Variants in KCNQ3 observed in about 807,000 individuals in gnomAD.
KCNQ3 encodes the protein potassium voltage-gated channel subfamily Q member 3.
KCNQ3 carries 30 observed loss-of-function variants against 92.5 expected under a neutral mutation model. That is an observed-to-expected ratio of 0.32 (90% CI 0.24 to 0.44). The LOEUF is 0.44. Ranked by LOEUF, KCNQ3 falls within the 20% of genes least tolerant of loss-of-function variation. The pLI, the probability that KCNQ3 is intolerant of heterozygous loss-of-function variation, is 1.00. For missense variants in KCNQ3, 913 were observed against 1,140.3 expected, an observed-to-expected ratio of 0.80 and a Z score of 2.87; for synonymous variants, 450 against 468.8, an observed-to-expected ratio of 0.96 and a Z score of 0.52.
chr8:132,152,908 A>C (rs932719504), intron 9 of KCNQ3, among the ~76,000 whole-genome samples: 2 of 152,246 alleles, frequency 1.3e-5, no homozygotes, highest in Non-Finnish European at 2.9e-5. Flanking sequence ...GCTGCACTTT[A>C]TGCAAATAAT....
intron 1 of KCNQ3, among the ~76,000 whole-genome samples, chr8:132,209,962 G>A (rs1424652755): frequency 6.6e-6 from 1 of 152,128 alleles, no homozygotes; most frequent in Non-Finnish European, 1.5e-5. Flanking sequence ...CTGTATAAGA[G>A]TCATGACTGC....
At chr8:132,134,457 C>G in intron 12 of KCNQ3, 69 bp from the exon 13 acceptor site, 1 of 1,060,376 alleles carries the variant, frequency 9.4e-7, no homozygotes, top group Non-Finnish European at 1.4e-6. Context: ...ACAAATCATT[C>G]TATTCTCTCT....
At chr8:132,211,887 G>A (rs1393422203) in intron 1 of KCNQ3, among the ~76,000 whole-genome samples, 2 of 150,932 alleles carry the variant, frequency 1.3e-5, no homozygotes, top group Middle Eastern at 3.2e-3. Context: ...TGAGAGGCAG[G>A]GGTTGCAATG....
intron 1 of KCNQ3, among the ~76,000 whole-genome samples, chr8:132,312,096 G>T (rs552421956): frequency 6.6e-6 from 1 of 152,274 alleles, no homozygotes; most frequent in Non-Finnish European, 1.5e-5. Flanking sequence ...AGTCAGGAGA[G>T]GACTTTTCCC....
intron 9 of KCNQ3, among the ~76,000 whole-genome samples, chr8:132,161,537 C>G (rs982808692): frequency 6.6e-6 from 1 of 151,658 alleles, no homozygotes; most frequent in African/African-American, 2.4e-5. Flanking sequence ...AAGGCTGAGG[C>G]GGGAGAATCA....
chr8:132,164,652 G>T (rs1207303913), intron 8 of KCNQ3, among the ~76,000 whole-genome samples: 1 of 152,162 alleles, frequency 6.6e-6, no homozygotes, highest in Admixed American at 6.5e-5. Context: ...GACTCTCTAG[G>T]ATGTTCTGAG....
intron 1 of KCNQ3, among the ~76,000 whole-genome samples, chr8:132,416,693 G>A (rs1410062409): frequency 6.6e-6 from 1 of 152,186 alleles, no homozygotes; most frequent in Non-Finnish European, 1.5e-5. Context: ...TAGGCATGGG[G>A]CACTGAAGCC....
intron 1 of KCNQ3, among the ~76,000 whole-genome samples, chr8:132,300,159 T>C (rs1039859880): frequency 2.0e-5 from 3 of 152,196 alleles, no homozygotes; most frequent in Non-Finnish European, 4.4e-5. Flanking sequence ...ATTGAAAGAA[T>C]GTGCCTATTA....
At chr8:132,228,105 C>T (rs952529020) in intron 1 of KCNQ3, among the ~76,000 whole-genome samples, 27 of 152,100 alleles carry the variant, frequency 1.8e-4, no homozygotes, top group African/African-American at 5.8e-4. Context: ...AAACCAAAGC[C>T]GCTGCAATTA....
At chr8:132,445,730 G>A (rs992514658) in intron 1 of KCNQ3, among the ~76,000 whole-genome samples, 11 of 125,712 alleles carry the variant, frequency 8.8e-5, no homozygotes, top group Non-Finnish European at 1.7e-4. Context: ...CTCTTACTAT[G>A]TGTCAGGCAT....
intron 1 of KCNQ3, among the ~76,000 whole-genome samples, chr8:132,435,918 TTGCCCCGCCAGCTTCCACGGTCC>T (rs1270457214): frequency 1.3e-5 from 2 of 152,258 alleles, no homozygotes; most frequent in African/African-American, 4.8e-5. Context: ...CAAGTTTGTA[TTGCCCCGCCAGCTTCCACGGTCC>T]TGCCCCAGCT....
chr8:132,168,613 A>G (rs1206664297), intron 8 of KCNQ3, among the ~76,000 whole-genome samples: 4 of 152,048 alleles, frequency 2.6e-5, no homozygotes, highest in Non-Finnish European at 4.4e-5. Flanking sequence ...TTACTTTGTC[A>G]TGGTCACTGA....
chr8:132,158,072 C>A (rs1396553245), intron 9 of KCNQ3, among the ~76,000 whole-genome samples: 2 of 152,102 alleles, frequency 1.3e-5, no homozygotes, highest in African/African-American at 4.8e-5. Context: ...ATCTGGGATC[C>A]CTCTGAGGTT....
At chr8:132,319,356 T>C (rs1817835250) in intron 1 of KCNQ3, among the ~76,000 whole-genome samples, 1 of 152,188 alleles carries the variant, frequency 6.6e-6, no homozygotes, top group Non-Finnish European at 1.5e-5. Context: ...TGCCTGTTTG[T>C]CAACAGGCTC....
chr8:132,189,907 AAG>A (rs1554629513), intron 1 of KCNQ3, among the ~76,000 whole-genome samples: 35 of 132,270 alleles, frequency 2.6e-4, no homozygotes, highest in African/African-American at 6.9e-4. Context: ...AAAAAAAAAA[AAG>A]AGAGAGAGAG....
At chr8:132,286,755 A>C (rs1192113227) in intron 1 of KCNQ3, among the ~76,000 whole-genome samples, 1 of 152,224 alleles carries the variant, frequency 6.6e-6, no homozygotes, top group Non-Finnish European at 1.5e-5. Flanking sequence ...CCACTGTGAC[A>C]ATGTTGGGAG....
chr8:132,158,005 T>A (rs1825861614), intron 9 of KCNQ3, among the ~76,000 whole-genome samples: 2 of 152,174 alleles, frequency 1.3e-5, no homozygotes, highest in Non-Finnish European at 2.9e-5. Flanking sequence ...GGGAATTACA[T>A]AGCCCTCCAC....
At chr8:132,480,010 T>A in intron 1 of KCNQ3, 137 bp downstream of exon 1, 1 of 757,692 alleles carries the variant, frequency 1.3e-6, no homozygotes, top group Admixed American at 2.5e-5. Context: ...AAACGCGTGC[T>A]GAGGACGGGC....
rs1417041201 is a variant in KCNQ3 at position 132,281,740 on chromosome 8, TGGGAG to T, written c.387-95564_387-95560del. ...AACCACCACCATGTTTACTGCAGCC[TGGGAG>T]AACTTTACAAAGTGAGGTTCATGTA... On this transcript the variant is annotated intron_variant, in intron 1 of 14. Transcript: ENST00000388996. Among the ~76,000 whole-genome samples, 14 of 152,192 alleles carry T rather than the reference TGGGAG, an allele frequency of 9.2e-5. No individual in the cohort carries two copies. The East Asian group carries it at 2.5e-3, about 27-fold the overall frequency.
Sources: gnomAD v4.1 joint callset for allele counts (sites outside exome capture counted in the v4.1 genomes callset) on GRCh38, gnomAD v4.1.1 for gene constraint, MANE v1.5 for transcripts, NCBI Gene and HGNC (gene_info 2026-07-23, HGNC 2026-07-21) for gene names.